GRK5: variants seen among roughly 807,000 people sequenced by gnomAD.
GRK5 encodes G protein-coupled receptor kinase 5.
GRK5 carries 40 observed loss-of-function variants against 78.4 expected under a neutral mutation model. The ratio of observed to expected loss-of-function variants is 0.51; its 90% CI spans 0.40 to 0.66. The LOEUF is 0.66. Ranked by LOEUF, GRK5 falls within the 30% of genes least tolerant of loss-of-function variation. The pLI, the probability that GRK5 is intolerant of heterozygous loss-of-function variation, is 0.00. For synonymous variants in GRK5, 289 were observed against 296.8 expected, an observed-to-expected ratio of 0.97 and a Z score of 0.27; for missense variants, 598 against 759.9, an observed-to-expected ratio of 0.79 and a Z score of 2.50.
At chr10:119,228,384 C>CG (rs1848774086) in intron 1 of GRK5, among the ~76,000 whole-genome samples, 1 of 149,840 alleles carries the variant, frequency 6.7e-6, no homozygotes, top group South Asian at 2.1e-4. Flanking sequence ...CCCGCCCCCC[C>CG]GCAAAAACGT....
At chr10:119,406,502 G>A (rs1852243295) in intron 4 of GRK5, 3 of 984,714 alleles carry the variant, frequency 3.0e-6, no homozygotes, top group African/African-American at 3.5e-5. Flanking sequence ...ATTCTCCCTG[G>A]GGCTTGGGGT....
chr10:119,396,314 C>T (rs1852052491), intron 3 of GRK5, among the ~76,000 whole-genome samples: 1 of 152,228 alleles, frequency 6.6e-6, no homozygotes, highest in Non-Finnish European at 1.5e-5. Flanking sequence ...CTGGTAGTTT[C>T]CTTTGATTCA....
intron 2 of GRK5, among the ~76,000 whole-genome samples, chr10:119,338,942 G>A (rs1366783434): frequency 6.6e-6 from 1 of 152,096 alleles, no homozygotes; most frequent in Non-Finnish European, 1.5e-5. Context: ...GAACATCTTT[G>A]TACTTCATTG....
At chr10:119,249,283 AACG>A (rs1849160960) in intron 1 of GRK5, among the ~76,000 whole-genome samples, 1 of 152,094 alleles carries the variant, frequency 6.6e-6, no homozygotes, top group Non-Finnish European at 1.5e-5. Flanking sequence ...AAAAACAAAA[AACG>A]AAAAACAAAA....
chr10:119,222,667 A>G (rs146444456), intron 1 of GRK5, among the ~76,000 whole-genome samples: 1 of 151,830 alleles, frequency 6.6e-6, no homozygotes, highest in South Asian at 2.1e-4. Context: ...CACGGCCTTC[A>G]GTAATTTTGT....
intron 4 of GRK5, among the ~76,000 whole-genome samples, chr10:119,415,954 A>G (rs1470479221): frequency 6.6e-6 from 1 of 151,868 alleles, no homozygotes; most frequent in Non-Finnish European, 1.5e-5. Context: ...CCGCCGTCTC[A>G]CTCCTGAATC....
At chr10:119,304,526 C>T (rs1245910995) in intron 1 of GRK5, among the ~76,000 whole-genome samples, 1 of 152,142 alleles carries the variant, frequency 6.6e-6, no homozygotes, top group Non-Finnish European at 1.5e-5. Context: ...TTCCTCACAA[C>T]CCTAGGCGGC....
chr10:119,264,149 C>T lies in GRK5; in HGVS notation c.52+56180C>T, dbSNP rs1028880729. 3.3e-5 allele frequency among the ~76,000 whole-genome samples: 5 copies of T among 152,086 alleles called. No homozygotes were observed. The highest frequency in any genetic ancestry group is 1.2e-4 in the African/African-American group (5 of 41,378). Reference sequence around the variant, plus strand: ...AAATGAGCCACGTGCTTGCATGCCACCTTGAATGCTCTCCATTGACATTTG... The same window carrying T: ...AAATGAGCCACGTGCTTGCATGCCATCTTGAATGCTCTCCATTGACATTTG... On this transcript the variant is annotated intron_variant, in intron 1 of 15. Transcript: ENST00000392870. This position sits in a 1 kb window ranked among gnomAD's most constrained non-coding sequence, Gnocchi z 4.1.
chr10:119,243,691 T>C (rs1849061830), intron 1 of GRK5, among the ~76,000 whole-genome samples: 1 of 152,036 alleles, frequency 6.6e-6, no homozygotes, highest in Non-Finnish European at 1.5e-5. Flanking sequence ...AAATAGAGCT[T>C]CTTTTCTGAA....
chr10:119,259,321 C>T lies in GRK5; in HGVS notation c.52+51352C>T, dbSNP rs184703781. Among the ~76,000 whole-genome samples, 634 of 152,286 alleles carry T rather than the reference C, an allele frequency of 4.2e-3. 2 individuals carry two copies. Among genetic ancestry groups the T allele is most frequent in the African/African-American group, 0.015 (605 of 41,544 alleles). On this transcript the variant is annotated intron_variant, in intron 1 of 15. Transcript: ENST00000392870. ...CCTCATGATCCTCCCGCCTCAGCCT[C>T]CCAAAGTGCTGGGATTACAGGCGTG...
chr10:119,422,452 T>A (rs527906441), intron 4 of GRK5, among the ~76,000 whole-genome samples: 13 of 152,360 alleles, frequency 8.5e-5, no homozygotes, highest in African/African-American at 3.1e-4. Flanking sequence ...TATTCCTGAT[T>A]GTCTTCCTGA....
chr10:119,442,213 TC>T, intron 11 of GRK5, 125 bp downstream of exon 11: 1 of 788,528 alleles, frequency 1.3e-6, no homozygotes, highest in South Asian at 1.5e-5. Context: ...ACACACAGAG[TC>T]ACAGTCTCTG....
chr10:119,396,125 G>T (rs867451987), intron 3 of GRK5, among the ~76,000 whole-genome samples: 17 of 152,214 alleles, frequency 1.1e-4, no homozygotes, highest in Admixed American at 9.8e-4. Flanking sequence ...TGATGGGCCA[G>T]GCCCCAGGCC....
chr10:119,211,568 A>C (rs978717521), intron 1 of GRK5: 29 of 152,240 alleles, frequency 1.9e-4, no homozygotes, highest in Admixed American at 1.7e-3. Flanking sequence ...AGCAGTAGCC[A>C]TATCTGATCA....
chr10:119,217,633 G>A lies in GRK5; in HGVS notation c.52+9664G>A. 6.6e-6 allele frequency among the ~76,000 whole-genome samples: 1 copy of A among 152,214 alleles called. No individual in the cohort carries two copies. Among genetic ancestry groups the A allele is most frequent in the East Asian group, 1.9e-4 (1 of 5,204 alleles). On this transcript the variant is annotated intron_variant, in intron 1 of 15. Coordinates refer to ENST00000392870, the MANE Select transcript of GRK5 (RefSeq NM_005308.3). The surrounding 1 kb of genome is among the most constrained non-coding windows in gnomAD (Gnocchi z 4.1). ...GAAGCCCCATGGGTGGTGGTGGTGGGGACAGTCATGGGAGTTTAGGTGTGG... is the reference window on the plus strand; with the variant it reads ...GAAGCCCCATGGGTGGTGGTGGTGGAGACAGTCATGGGAGTTTAGGTGTGG...
At chr10:119,209,151 G>GATTCGTGTTTATTCAGCCCGTTCC (rs1286611438) in intron 1 of GRK5, among the ~76,000 whole-genome samples, 2 of 152,088 alleles carry the variant, frequency 1.3e-5, no homozygotes, top group Non-Finnish European at 2.9e-5. Context: ...GCAATAAAAC[G>GATTCGTGTTTATTCAGCCCGTTCC]ATTCGTGTTT....
intron 1 of GRK5, among the ~76,000 whole-genome samples, chr10:119,318,276 A>G (rs1269266862): frequency 2.0e-5 from 3 of 152,148 alleles, no homozygotes; most frequent in African/African-American, 7.2e-5. Flanking sequence ...CTGGGACTCT[A>G]TTTCTGAATC....
At chr10:119,423,647 T>A (rs1852615293) in intron 5 of GRK5, among the ~76,000 whole-genome samples, 1 of 152,200 alleles carries the variant, frequency 6.6e-6, no homozygotes, top group Non-Finnish European at 1.5e-5. Context: ...TCACCTTGTC[T>A]GCAGGTGGCA....
Position 119,217,618 on chromosome 10 carries a change from G to GGGT in GRK5, c.52+9661_52+9663dup, listed in dbSNP as rs1460554041. The stretch of plus-strand genomic sequence containing the variant: ...CAAGGGACTGGATGTGAAGCCCCAT[G>GGGT]GGTGGTGGTGGTGGGGACAGTCATG... On this transcript the variant is annotated intron_variant, in intron 1 of 15. Coordinates refer to ENST00000392870, the MANE Select transcript of GRK5 (RefSeq NM_005308.3). This position sits in a 1 kb window ranked among gnomAD's most constrained non-coding sequence, Gnocchi z 4.1. Among the ~76,000 whole-genome samples, 1 of 152,208 alleles carries GGGT rather than the reference G, an allele frequency of 6.6e-6. No individual in the cohort carries two copies. The highest frequency in any genetic ancestry group is 2.4e-5 in the African/African-American group (1 of 41,442).
Sources: allele counts gnomAD v4.1 joint callset (sites outside exome capture counted in the v4.1 genomes callset), GRCh38; gene constraint gnomAD v4.1.1; non-coding constraint Gnocchi (gnomAD v3.1); transcripts MANE v1.5; gene names NCBI Gene and HGNC (gene_info 2026-07-23, HGNC 2026-07-21).